The following ANK3 variants were observed in gnomAD, a reference collection of about 807,000 sequenced individuals.
ANK3 encodes the protein ankyrin 3.
Under a neutral mutation model 370.9 loss-of-function variants are expected in ANK3, and 57 were observed. That is an observed-to-expected ratio of 0.15 (90% CI 0.12 to 0.19). The LOEUF (loss-of-function observed/expected upper bound fraction) is 0.19, where lower values mean the gene tolerates loss of function less well. Among genes scored for constraint, ANK3 ranks in the 10% least tolerant of loss-of-function variants. The pLI is 1.00. For missense variants in ANK3, 4,439 were observed against 5,302.1 expected, an observed-to-expected ratio of 0.84 and a Z score of 5.06; for synonymous variants, 1,929 against 1,946.3, an observed-to-expected ratio of 0.99 and a Z score of 0.23.
At chr10:60,147,420 A>T (rs1156499277) in intron 23 of ANK3, among the ~76,000 whole-genome samples, 3 of 152,104 alleles carry the variant, frequency 2.0e-5, no homozygotes, top group Non-Finnish European at 4.4e-5. Context: ...CTTCACTTTA[A>T]CCCTTTGTTT....
chr10:60,685,207 T>C (rs1837950), intron 1 of ANK3: 253,635 of 368,556 alleles, frequency 0.69, 88,078 homozygotes, highest in South Asian at 0.83. Flanking sequence ...TATTGTTCAA[T>C]GATCAGATGC....
intron 2 of ANK3, among the ~76,000 whole-genome samples, chr10:60,523,908 C>T (rs1021711916): frequency 2.0e-5 from 3 of 152,008 alleles, no homozygotes; most frequent in African/African-American, 7.2e-5. Context: ...AACAATGATA[C>T]CGGGTAAAAA....
At chr10:60,172,429 G>A (rs1217319604) in intron 20 of ANK3, 26 bp from the exon 21 acceptor site, 2 of 1,590,912 alleles carry the variant, frequency 1.3e-6, no homozygotes, top group Non-Finnish European at 1.7e-6. Context: ...TGTGAGTGAG[G>A]AATTAGCAAG....
At chr10:60,675,548 A>C (rs2079114075) in intron 1 of ANK3, among the ~76,000 whole-genome samples, 1 of 152,250 alleles carries the variant, frequency 6.6e-6, no homozygotes, top group Non-Finnish European at 1.5e-5. Context: ...TATAGCATGC[A>C]CAAAACTGAT....
At chr10:60,321,859 C>T (rs2048742395) in intron 1 of ANK3, among the ~76,000 whole-genome samples, 1 of 152,148 alleles carries the variant, frequency 6.6e-6, no homozygotes, top group Non-Finnish European at 1.5e-5. Flanking sequence ...TGATTCTGGA[C>T]ATTTCAATTT....
chr10:60,221,339 C>T (rs1053735420), intron 8 of ANK3, among the ~76,000 whole-genome samples: 3 of 152,072 alleles, frequency 2.0e-5, no homozygotes, highest in African/African-American at 7.2e-5. Flanking sequence ...CTCAGTCTCC[C>T]AAAGTGCTGG....
intron 1 of ANK3, among the ~76,000 whole-genome samples, chr10:60,369,950 C>T (rs540869007): frequency 7.9e-5 from 12 of 152,056 alleles, no homozygotes; most frequent in South Asian, 4.1e-4. Flanking sequence ...TTTGGGGTAA[C>T]GGCATTCTTT....
intron 7 of ANK3, among the ~76,000 whole-genome samples, chr10:60,260,744 C>T (rs748871087): frequency 6.6e-6 from 1 of 152,116 alleles, no homozygotes; most frequent in Non-Finnish European, 1.5e-5. Flanking sequence ...TCTCTTGCTC[C>T]TGCTCTGGCC....
intron 2 of ANK3, among the ~76,000 whole-genome samples, chr10:60,433,797 T>C (rs1284942654): frequency 6.6e-6 from 1 of 152,204 alleles, no homozygotes; most frequent in Non-Finnish European, 1.5e-5. Context: ...TATATCCAAG[T>C]TCTTGATCTA....
chr10:60,042,980 C>T, intron 42 of ANK3: 1 of 1,311,846 alleles, frequency 7.6e-7, no homozygotes, highest in Non-Finnish European at 9.7e-7. Flanking sequence ...CATAATTGTA[C>T]TTGACAATAA....
At chr10:60,366,099 C>T (rs2059350071) in intron 1 of ANK3, among the ~76,000 whole-genome samples, 1 of 152,070 alleles carries the variant, frequency 6.6e-6, no homozygotes. Flanking sequence ...GTTTGGGAGG[C>T]CAAGGCAAAT....
At chr10:60,251,540 CA>C (rs1198825068) in intron 7 of ANK3, among the ~76,000 whole-genome samples, 1 of 152,154 alleles carries the variant, frequency 6.6e-6, no homozygotes, top group Non-Finnish European at 1.5e-5. Flanking sequence ...CTGTGACAAC[CA>C]AAAATTCCTC....
chr10:60,729,611 A>C (rs2079992211), intron 1 of ANK3, among the ~76,000 whole-genome samples: 1 of 152,210 alleles, frequency 6.6e-6, no homozygotes. Flanking sequence ...GCGCCAAAGC[A>C]TCATCTGATC....
intron 1 of ANK3, among the ~76,000 whole-genome samples, chr10:60,724,967 C>T (rs1268430116): frequency 2.0e-5 from 3 of 152,138 alleles, no homozygotes; most frequent in Non-Finnish European, 4.4e-5. Flanking sequence ...GGCACATTAT[C>T]ATTATTTTCT....
At chr10:60,461,963 G>T (rs567879925) in intron 2 of ANK3, among the ~76,000 whole-genome samples, 1 of 152,272 alleles carries the variant, frequency 6.6e-6, no homozygotes, top group Admixed American at 6.5e-5. Flanking sequence ...GTCAGCGGGT[G>T]GGGGACCCAA....
At chr10:60,092,607 A>C (rs748257659) in intron 28 of ANK3, among the ~76,000 whole-genome samples, 5 of 152,212 alleles carry the variant, frequency 3.3e-5, no homozygotes, top group African/African-American at 1.2e-4. Flanking sequence ...CTTTAATTAA[A>C]AAAGTAACTA....
intron 8 of ANK3, among the ~76,000 whole-genome samples, chr10:60,219,766 T>C (rs1045480071): frequency 3.3e-5 from 5 of 152,192 alleles, no homozygotes; most frequent in African/African-American, 1.2e-4. Context: ...AATACGTTCA[T>C]GTAACTTTCT....
At chr10:60,036,807 C>T (rs1191492082) in intron 43 of ANK3, among the ~76,000 whole-genome samples, 1 of 152,050 alleles carries the variant, frequency 6.6e-6, no homozygotes, top group Non-Finnish European at 1.5e-5. Flanking sequence ...TGGCTTACTT[C>T]AGTTTTCTCC....
intron 7 of ANK3, among the ~76,000 whole-genome samples, chr10:60,239,446 C>A (rs2097388894): frequency 6.6e-6 from 1 of 151,968 alleles, no homozygotes; most frequent in African/African-American, 2.4e-5. Context: ...GAGTGGCCTC[C>A]TCATCAGAAA....
Sources: gnomAD v4.1 joint callset for allele counts (sites outside exome capture counted in the v4.1 genomes callset) on GRCh38, gnomAD v4.1.1 for gene constraint, MANE v1.5 for transcripts, NCBI Gene and HGNC (gene_info 2026-07-23, HGNC 2026-07-21) for gene names.